ANKFN1: variants seen among roughly 807,000 people sequenced by gnomAD.
ANKFN1 encodes the protein ankyrin repeat and fibronectin type-III domain-containing protein 1.
A neutral mutation model predicts 108.7 loss-of-function variants in ANKFN1; 74 were observed. The ratio of observed to expected loss-of-function variants is 0.68; its 90% CI spans 0.56 to 0.83. The LOEUF is 0.83. Ranked by LOEUF, ANKFN1 falls within the 40% of genes least tolerant of loss-of-function variation. ANKFN1 has a pLI of 0.00. For missense variants in ANKFN1, 1,505 were observed against 1,382.3 expected (o/e 1.09, Z -1.41); for synonymous variants, 547 against 516.2 (o/e 1.06, Z -0.81).
chr17:56,181,389 A>C (rs903018764), intron 1 of ANKFN1, among the ~76,000 whole-genome samples: 3 of 152,204 alleles, frequency 2.0e-5, no homozygotes, highest in Non-Finnish European at 4.4e-5. Context: ...TTTACAAAGC[A>C]CTTTATATAA....
intron 4 of ANKFN1, among the ~76,000 whole-genome samples, chr17:56,049,024 C>G (rs1326982638): frequency 2.0e-5 from 3 of 152,170 alleles, no homozygotes; most frequent in Admixed American, 2.0e-4. Context: ...GTGATGGAGG[C>G]CAGACAGGGC....
At chr17:56,492,482 G>C (rs1367646332) in intron 19 of ANKFN1, 129 bp downstream of exon 19, 1 of 559,998 alleles carries the variant, frequency 1.8e-6, no homozygotes, top group Admixed American at 2.8e-5. Flanking sequence ...GTTGCCTATT[G>C]AGTTGGTTAA....
chr17:56,187,882 TGAGA>T (rs1035250635), intron 1 of ANKFN1, among the ~76,000 whole-genome samples: 70 of 144,460 alleles, frequency 4.8e-4, no homozygotes, highest in African/African-American at 1.6e-3. Context: ...AATTGAACAA[TGAGA>T]ACACTTGGAC....
At chr17:56,149,946 G>A (rs16956761), upstream of ANKFN1, among the ~76,000 whole-genome samples, 3,712 of 152,300 alleles carry the variant, frequency 0.024, 138 homozygotes, top group African/African-American at 0.084. Context: ...CATGCTTTCT[G>A]AGGAGGTGTA....
chr17:56,094,687 T>TTTTG lies in ANKFN1; in HGVS notation c.288+48365_288+48366insGTTT, dbSNP rs1443245365. Among the ~76,000 whole-genome samples the TTTTG allele has an allele frequency of 2.7e-5, 4 of 147,674 alleles. No individual in the cohort carries two copies. The East Asian group carries it at 7.8e-4, about 29-fold the overall frequency. On this transcript the variant is annotated intron_variant, in intron 4 of 12. Transcript: ENST00000635860. The stretch of plus-strand genomic sequence containing the variant: ...CCCAGCTAATTGGGTTTTTTTTTTT[T>TTTTG]TTTTTTGTATTTTTAGTAGAGACGG...
chr17:56,162,098 C>T (rs1287456145), intron 1 of ANKFN1, among the ~76,000 whole-genome samples: 1 of 152,112 alleles, frequency 6.6e-6, no homozygotes, highest in South Asian at 2.1e-4. Flanking sequence ...CAAGTGTAGT[C>T]AGGGCAGGGG....
intron 20 of ANKFN1, among the ~76,000 whole-genome samples, chr17:56,508,139 G>A (rs1242244244): frequency 6.6e-6 from 1 of 152,166 alleles, no homozygotes; most frequent in South Asian, 2.1e-4. Flanking sequence ...AATATTTGGA[G>A]GGAAAATGTA....
At chr17:56,353,664 G>A (rs892782099) in intron 5 of ANKFN1, among the ~76,000 whole-genome samples, 172 bp from the exon 6 acceptor site, 10 of 152,154 alleles carry the variant, frequency 6.6e-5, no homozygotes, top group East Asian at 1.9e-4. Context: ...TAGAAATGAC[G>A]GAGGGGAAGC....
chr17:56,314,619 T>C (rs942047354), intron 3 of ANKFN1, among the ~76,000 whole-genome samples: 1 of 152,204 alleles, frequency 6.6e-6, no homozygotes, highest in Non-Finnish European at 1.5e-5. Flanking sequence ...GATAAGAGAA[T>C]TAAGACTCAG....
At chr17:56,335,101 A>G (rs2045770122) in intron 4 of ANKFN1, among the ~76,000 whole-genome samples, 1 of 151,904 alleles carries the variant, frequency 6.6e-6, no homozygotes. Flanking sequence ...GTTTTGTACC[A>G]TGATGTTTTG....
chr17:56,484,357 A>G (rs978752488), intron 18 of ANKFN1, among the ~76,000 whole-genome samples: 12 of 152,178 alleles, frequency 7.9e-5, no homozygotes, highest in Admixed American at 2.6e-4. Flanking sequence ...GAACGAAAAT[A>G]AGAAGAAAAA....
At chr17:56,383,769 G>A (rs966216811) in intron 8 of ANKFN1, among the ~76,000 whole-genome samples, 3 of 152,110 alleles carry the variant, frequency 2.0e-5, no homozygotes, top group Non-Finnish European at 2.9e-5. Context: ...ACTCTCCCAA[G>A]ACTAAACCAG....
chr17:56,250,006 A>G (rs1226467417), intron 3 of ANKFN1, among the ~76,000 whole-genome samples: 2 of 152,166 alleles, frequency 1.3e-5, no homozygotes, highest in East Asian at 3.8e-4. Context: ...AGTGGTTGAA[A>G]CAAAGGTAAA....
chr17:56,251,560 C>A (rs955537960), intron 3 of ANKFN1, among the ~76,000 whole-genome samples: 4 of 152,174 alleles, frequency 2.6e-5, no homozygotes, highest in Non-Finnish European at 5.9e-5. Flanking sequence ...AAGCAGCTAG[C>A]AGAGTATGTG....
chr17:56,314,258 C>T (rs749057765), intron 3 of ANKFN1, among the ~76,000 whole-genome samples: 1 of 152,136 alleles, frequency 6.6e-6, no homozygotes, highest in Non-Finnish European at 1.5e-5. Context: ...TTTCCGTGAG[C>T]ATTTATTTCT....
intron 1 of ANKFN1, among the ~76,000 whole-genome samples, chr17:56,196,150 C>T (rs1913485785): frequency 6.6e-6 from 1 of 152,034 alleles, no homozygotes; most frequent in Admixed American, 6.6e-5. Flanking sequence ...TGCCTGTAGT[C>T]CCAGCTACTT....
chr17:56,228,470 A>G (rs986483177), intron 3 of ANKFN1: 1 of 152,328 alleles, frequency 6.6e-6, no homozygotes, highest in African/African-American at 2.4e-5. Context: ...TAGTACTTCC[A>G]GTGTCTATAC....
At chr17:56,073,141 C>T (rs564325498) in intron 4 of ANKFN1, among the ~76,000 whole-genome samples, 2 of 151,752 alleles carry the variant, frequency 1.3e-5, no homozygotes, top group South Asian at 4.2e-4. Flanking sequence ...TACAGGCGCC[C>T]GCCACTACGT....
chr17:56,165,414 A>G (rs1021875236), intron 1 of ANKFN1, among the ~76,000 whole-genome samples: 1 of 152,232 alleles, frequency 6.6e-6, no homozygotes, highest in Non-Finnish European at 1.5e-5. Context: ...TTTAAATGAG[A>G]TAGGGTATGC....
Sources: gnomAD v4.1 joint callset for allele counts (sites outside exome capture counted in the v4.1 genomes callset) on GRCh38, gnomAD v4.1.1 for gene constraint, MANE v1.5 for transcripts, NCBI Gene and HGNC (gene_info 2026-07-23, HGNC 2026-07-21) for gene names.